Variants in ASIC2 observed in about 807,000 individuals in gnomAD.
The protein encoded by ASIC2 is acid sensing ion channel subunit 2.
A neutral mutation model predicts 57.3 loss-of-function variants in ASIC2; 25 were observed. The ratio of observed to expected loss-of-function variants is 0.44; its 90% CI spans 0.32 to 0.61. The LOEUF (loss-of-function observed/expected upper bound fraction) is 0.61, where lower values mean the gene tolerates loss of function less well. Among genes scored for constraint, ASIC2 ranks in the 20% least tolerant of loss-of-function variants. The probability of loss-of-function intolerance (pLI) is 0.06; values close to 1 mark genes in which losing one functional copy is unlikely to be tolerated. For missense variants in ASIC2, 641 were observed against 738.1 expected (o/e 0.87, Z 1.52); for synonymous variants, 319 against 307.5 (o/e 1.04, Z -0.39).
chr17:33,720,212 G>T (rs766474804), intron 1 of ASIC2, among the ~76,000 whole-genome samples: 7 of 152,176 alleles, frequency 4.6e-5, no homozygotes, highest in African/African-American at 7.2e-5. Context: ...GGCTTGCCCA[G>T]CCTGGTTTGT....
At chr17:33,323,707 T>G (rs1469755230) in intron 1 of ASIC2, among the ~76,000 whole-genome samples, 2 of 151,902 alleles carry the variant, frequency 1.3e-5, no homozygotes, top group African/African-American at 4.8e-5. Context: ...GAGTGAGACT[T>G]CTCTCCCCAC....
At chr17:33,504,453 C>T (rs1488143122) in intron 1 of ASIC2, among the ~76,000 whole-genome samples, 1 of 152,190 alleles carries the variant, frequency 6.6e-6, no homozygotes, top group Non-Finnish European at 1.5e-5. Flanking sequence ...ATTCTCGTGC[C>T]TCAGCCTCCC....
At chr17:33,718,351 A>C (rs1471515045) in intron 1 of ASIC2, among the ~76,000 whole-genome samples, 1 of 152,164 alleles carries the variant, frequency 6.6e-6, no homozygotes, top group Non-Finnish European at 1.5e-5. Flanking sequence ...GACTGGATTT[A>C]CAGAAAGGGT....
intron 1 of ASIC2, among the ~76,000 whole-genome samples, chr17:33,305,615 C>T (rs748655671): frequency 4.6e-5 from 7 of 152,130 alleles, no homozygotes; most frequent in Admixed American, 6.5e-5. Flanking sequence ...CAAATAGTCC[C>T]GAATCTTTTA....
chr17:33,702,496 A>G (rs966756613), intron 1 of ASIC2, among the ~76,000 whole-genome samples: 5 of 152,180 alleles, frequency 3.3e-5, no homozygotes, highest in African/African-American at 1.2e-4. Context: ...GAGCAGAGCC[A>G]GCGTCACACC....
intron 1 of ASIC2, among the ~76,000 whole-genome samples, chr17:33,941,294 C>T (rs1030571459): frequency 3.3e-5 from 5 of 152,160 alleles, no homozygotes; most frequent in African/African-American, 1.2e-4. Context: ...CTCCCAGACG[C>T]CCTCAGAAGA....
chr17:33,709,467 C>A, intron 1 of ASIC2, among the ~76,000 whole-genome samples: 1 of 152,232 alleles, frequency 6.6e-6, no homozygotes, highest in East Asian at 1.9e-4. Flanking sequence ...TTGGCTCATG[C>A]TCTTTCTGCC....
intron 1 of ASIC2, among the ~76,000 whole-genome samples, chr17:33,754,344 G>A (rs553901325): frequency 1.2e-4 from 19 of 152,114 alleles, no homozygotes; most frequent in Middle Eastern, 6.8e-3. Flanking sequence ...ATTGTGAGAA[G>A]GTTCCCAGCA....
chr17:33,426,792 T>C (rs191621334), intron 1 of ASIC2, among the ~76,000 whole-genome samples: 27 of 152,168 alleles, frequency 1.8e-4, no homozygotes, highest in African/African-American at 4.8e-4. Flanking sequence ...TCTAGTCTAG[T>C]GGAAATAAGC....
At chr17:33,336,755 C>T (rs1365551036) in intron 1 of ASIC2, among the ~76,000 whole-genome samples, 2 of 152,114 alleles carry the variant, frequency 1.3e-5, no homozygotes, top group Non-Finnish European at 2.9e-5. Context: ...TTCTCTCTGG[C>T]TAGACTCCGA....
chr17:33,631,187 T>C (rs916392587), intron 1 of ASIC2, among the ~76,000 whole-genome samples: 1 of 152,200 alleles, frequency 6.6e-6, no homozygotes, highest in Non-Finnish European at 1.5e-5. Context: ...TGCCAGCCCC[T>C]TGGGCTAAGG....
At chr17:33,331,775 G>T (rs1259869587) in intron 1 of ASIC2, among the ~76,000 whole-genome samples, 20 of 152,150 alleles carry the variant, frequency 1.3e-4, no homozygotes, top group Non-Finnish European at 8.8e-5. Flanking sequence ...TCAACCTATT[G>T]TTATCCCTAT....
At chr17:34,086,414 T>A (rs1910114518) in intron 1 of ASIC2, among the ~76,000 whole-genome samples, 1 of 152,204 alleles carries the variant, frequency 6.6e-6, no homozygotes, top group African/African-American at 2.4e-5. Flanking sequence ...TAGTTTGTTA[T>A]AATTTCTGTT....
chr17:33,588,772 C>T (rs1378483922), intron 1 of ASIC2, among the ~76,000 whole-genome samples: 1 of 152,098 alleles, frequency 6.6e-6, no homozygotes, highest in East Asian at 1.9e-4. Flanking sequence ...ATGTTTGAGC[C>T]TGAAGGAAGA....
chr17:33,370,565 C>G (rs35336194), intron 1 of ASIC2, among the ~76,000 whole-genome samples: 1 of 152,252 alleles, frequency 6.6e-6, no homozygotes, highest in African/African-American at 2.4e-5. Context: ...AGACCCTGGC[C>G]GTCTCTGGAA....
chr17:33,251,588 A>G (rs1436736569), intron 1 of ASIC2, among the ~76,000 whole-genome samples: 4 of 152,150 alleles, frequency 2.6e-5, no homozygotes, highest in Non-Finnish European at 5.9e-5. Flanking sequence ...GTGGGCTCCT[A>G]AAGTGCGGGG....
At chr17:34,143,670 A>G (rs1022315482) in intron 1 of ASIC2, among the ~76,000 whole-genome samples, 1 of 152,148 alleles carries the variant, frequency 6.6e-6, no homozygotes, top group African/African-American at 2.4e-5. Context: ...GCTGGTTTCA[A>G]TGGGAGTACA....
intron 3 of ASIC2, among the ~76,000 whole-genome samples, chr17:33,088,262 G>A (rs540196410): frequency 1.3e-5 from 2 of 152,294 alleles, no homozygotes; most frequent in African/African-American, 4.8e-5. Flanking sequence ...GAGAGTTTGC[G>A]AAGGTCTCCC....
intron 1 of ASIC2, among the ~76,000 whole-genome samples, chr17:34,011,481 CT>C (rs1297297534): frequency 6.6e-6 from 1 of 152,180 alleles, no homozygotes; most frequent in Non-Finnish European, 1.5e-5. Context: ...TAACCTCCCC[CT>C]CCCATGGCTT....
Sources: gnomAD v4.1 joint callset for allele counts (sites outside exome capture counted in the v4.1 genomes callset) on GRCh38, gnomAD v4.1.1 for gene constraint, MANE v1.5 for transcripts, NCBI Gene and HGNC (gene_info 2026-07-23, HGNC 2026-07-21) for gene names.